N4BP2L1: variants seen among roughly 807,000 people sequenced by gnomAD.
N4BP2L1 encodes the protein NEDD4-binding protein 2-like 1.
N4BP2L1 carries 12 observed loss-of-function variants against 21.2 expected under a neutral mutation model. That is an observed-to-expected ratio of 0.57 (90% CI 0.36 to 0.92). The LOEUF is 0.92. Among genes scored for constraint, N4BP2L1 ranks in the 40% least tolerant of loss-of-function variants. N4BP2L1 has a pLI of 0.01. For missense variants in N4BP2L1, 259 were observed against 310.6 expected (o/e 0.83, Z 1.25); for synonymous variants, 104 against 112.8 (o/e 0.92, Z 0.49).
intron 1 of N4BP2L1, chr13:32,411,393 T>C (rs1317700245): frequency 1.3e-5 from 5 of 397,922 alleles, no homozygotes; most frequent in African/African-American, 2.2e-5. Flanking sequence ...TATCTCCACC[T>C]AAATGTTAAA....
chr13:32,405,892 C>CTT lies in N4BP2L1; in HGVS notation c.396+1356_396+1357dup, dbSNP rs754694153. 1.6e-3 allele frequency among the ~76,000 whole-genome samples: 162 copies of CTT among 101,246 alleles called. 2 individuals carry two copies. The highest frequency in any genetic ancestry group is 1.9e-3 in the African/African-American group (42 of 22,372). 66.4% of individuals were successfully genotyped at this position (101,246 alleles called of 152,430 possible). A position where few individuals can be genotyped will look rare whatever the true frequency, so the allele number is the denominator to read the frequency against. ...TACTCCACTATCTGCTTCCTGCCCC[C>CTT]TTTTTTTTTTTTTTTTTTTTTTTTT... is the stretch of plus-strand genomic sequence containing the variant. On this transcript the variant is annotated intron_variant, in intron 3 of 4. Transcript: ENST00000380130.
At chr13:32,428,273 G>T, upstream of N4BP2L1, 1 of 440,004 alleles carries the variant, frequency 2.3e-6, no homozygotes, top group Non-Finnish European at 3.8e-6. Flanking sequence ...GAAAGCTGGG[G>T]ACGCTGGGAG....
In N4BP2L1 at chr13:32,405,892, C is replaced by CCT. The variant is rs2073452557; in HGVS notation, c.396+1357_396+1358insAG. 1.8e-4 allele frequency among the ~76,000 whole-genome samples: 18 copies of CCT among 101,254 alleles called. 1 individual carries two copies. Among genetic ancestry groups the CCT allele is most frequent in the South Asian group, 7.6e-4 (2 of 2,646 alleles). 66.4% of individuals were successfully genotyped at this position (101,254 alleles called of 152,430 possible). A position where few individuals can be genotyped will look rare whatever the true frequency, so the allele number is the denominator to read the frequency against. On this transcript the variant is annotated intron_variant, in intron 3 of 4. Coordinates refer to ENST00000380130, the MANE Select transcript of N4BP2L1 (RefSeq NM_052818.3). ...TACTCCACTATCTGCTTCCTGCCCC[C>CCT]TTTTTTTTTTTTTTTTTTTTTTTTT...
At chr13:32,426,604 T>TC (rs1255997213) in intron 1 of N4BP2L1, among the ~76,000 whole-genome samples, 1 of 152,132 alleles carries the variant, frequency 6.6e-6, no homozygotes, top group Non-Finnish European at 1.5e-5. Context: ...CCTCCTAAGG[T>TC]CACTATCTCG....
intron 1 of N4BP2L1, among the ~76,000 whole-genome samples, chr13:32,424,420 A>G (rs2137993487): frequency 6.6e-6 from 1 of 152,292 alleles, no homozygotes; most frequent in South Asian, 2.1e-4. Context: ...CACCAACAGC[A>G]TTTGAGATGC....
chr13:32,409,824 G>A (rs1219153893), intron 1 of N4BP2L1, among the ~76,000 whole-genome samples: 2 of 152,174 alleles, frequency 1.3e-5, no homozygotes, highest in African/African-American at 4.8e-5. Context: ...TTGTAGGGGA[G>A]AAGGGGCTGC....
intron 1 of N4BP2L1, among the ~76,000 whole-genome samples, chr13:32,426,699 T>A (rs1268969975): frequency 6.6e-6 from 1 of 152,144 alleles, no homozygotes; most frequent in Admixed American, 6.5e-5. Context: ...ATCTCTCCAG[T>A]GAGACGGGAA....
At chr13:32,410,078 T>C (rs534857107) in intron 1 of N4BP2L1, among the ~76,000 whole-genome samples, 1 of 152,332 alleles carries the variant, frequency 6.6e-6, no homozygotes, top group East Asian at 1.9e-4. Flanking sequence ...TCTCAGACGC[T>C]GGGAAGTCTA....
At chr13:32,426,810 T>C (rs1277746360) in intron 1 of N4BP2L1, among the ~76,000 whole-genome samples, 1 of 152,000 alleles carries the variant, frequency 6.6e-6, no homozygotes, top group African/African-American at 2.4e-5. Context: ...TCAAGAAACT[T>C]ACAGAAGGAT....
chr13:32,418,406 G>A (rs906944895), intron 1 of N4BP2L1, among the ~76,000 whole-genome samples: 1 of 152,254 alleles, frequency 6.6e-6, no homozygotes, highest in Non-Finnish European at 1.5e-5. Flanking sequence ...GATTTCAGAA[G>A]ATGTATGGAA....
In N4BP2L1 at chr13:32,403,104, C is replaced by G. The variant is rs759374813; in HGVS notation, c.570G>C (p.Lys190Asn). 2 of 1,614,098 alleles carry G rather than the reference C, an allele frequency of 1.2e-6. No individual in the cohort carries two copies. Among genetic ancestry groups the G allele is most frequent in the Non-Finnish European group, 1.7e-6 (2 of 1,180,024 alleles). ...VTFHSVLHAEKPSRMNRNQDR... is the reference protein window; with the variant it reads ...VTFHSVLHAENPSRMNRNQDR... ...CCTGGTTTCTGTTCATTCTGCTTGG[C>G]TTTTCTGCATGAAGCACACTGTGAA... The change falls in exon 5 of 5, where the codon AAG (lysine) becomes AAC (asparagine). Residue 190 changes from lysine (K) to asparagine (N), a missense_variant. By Grantham distance (94) the Lys-to-Asn change is moderately conservative. Transcript: ENST00000380130.
At chr13:32,403,660 G>C (rs1352898358) in intron 4 of N4BP2L1, 1 of 533,938 alleles carries the variant, frequency 1.9e-6, no homozygotes, top group Non-Finnish European at 3.8e-6. Context: ...AATTACCAGA[G>C]ATTCCAACTA....
intron 1 of N4BP2L1, among the ~76,000 whole-genome samples, chr13:32,419,629 G>A (rs1137785): frequency 4.5e-4 from 69 of 151,756 alleles, no homozygotes; most frequent in African/African-American, 1.5e-3. Flanking sequence ...CCTTCCTGCC[G>A]CCATGTGAAG....
At position 32,428,005 on chromosome 13, in the gene N4BP2L1, G is replaced by C. The variant is rs536170827; in HGVS notation, c.78C>G (p.Pro26=). 1.7e-5 allele frequency: 26 copies of C among 1,560,316 alleles called. No homozygotes were observed. In the African/African-American group the frequency reaches 2.2e-4, roughly 13 times the overall value. ...GAGGTGTCCCCCGCGGGGGCGGCCG[G>C]GGCGGCCGCTGCCGCTGCTGCTGCT... ...PQQQQQRQRP[P]RPPPRGTPPR... is the part of the protein sequence containing the mutation. Residue 26 remains proline, a synonymous_variant, in exon 1 of 5, where the codon CCC becomes CCG. Coordinates refer to ENST00000380130, the MANE Select transcript of N4BP2L1 (RefSeq NM_052818.3).
chr13:32,425,559 C>T (rs2074717773), intron 1 of N4BP2L1: 1 of 152,112 alleles, frequency 6.6e-6, no homozygotes, highest in Non-Finnish European at 1.5e-5. Context: ...TTTAAAAAGT[C>T]CTCCCACACA....
At chr13:32,419,900 G>T (rs1162350678) in intron 1 of N4BP2L1, among the ~76,000 whole-genome samples, 2 of 152,220 alleles carry the variant, frequency 1.3e-5, no homozygotes, top group African/African-American at 4.8e-5. Context: ...ATAGAAAACA[G>T]ATTCCATGGC....
chr13:32,410,514 T>G (rs1334827010), intron 1 of N4BP2L1, among the ~76,000 whole-genome samples: 3 of 152,156 alleles, frequency 2.0e-5, no homozygotes, highest in Admixed American at 2.0e-4. Context: ...AAGGGATAAG[T>G]ATAAAGAAGA....
chr13:32,412,088 T>A (rs1292701706), intron 1 of N4BP2L1, among the ~76,000 whole-genome samples: 1 of 152,028 alleles, frequency 6.6e-6, no homozygotes, highest in African/African-American at 2.4e-5. Context: ...CCAAACAAGA[T>A]CCCCACATTG....
intron 1 of N4BP2L1, among the ~76,000 whole-genome samples, chr13:32,419,783 C>T (rs144553233): frequency 3.2e-4 from 49 of 152,316 alleles, no homozygotes; most frequent in Admixed American, 1.3e-3. Context: ...AGAATGAGAA[C>T]AGACTAATAC....
Sources: gnomAD v4.1 joint callset for allele counts (sites outside exome capture counted in the v4.1 genomes callset) on GRCh38, gnomAD v4.1.1 for gene constraint, MANE v1.5 for transcripts, NCBI Gene and HGNC (gene_info 2026-07-23, HGNC 2026-07-21) for gene names.